The following ASH1L variants were observed in gnomAD, a reference collection of about 807,000 sequenced individuals.
The protein encoded by ASH1L is ASH1 like histone lysine methyltransferase, also known as histone-lysine N-methyltransferase ASH1L.
A neutral mutation model predicts 269.0 loss-of-function variants in ASH1L; 23 were observed. The ratio of observed to expected loss-of-function variants is 0.09; its 90% CI spans 0.06 to 0.12. The LOEUF is 0.12. Among genes scored for constraint, ASH1L ranks in the 10% least tolerant of loss-of-function variants. The pLI is 1.00. For synonymous variants in ASH1L, 1,187 were observed against 1,253.5 expected, an observed-to-expected ratio of 0.95 and a Z score of 1.12; for missense variants, 2,912 against 3,567.8, an observed-to-expected ratio of 0.82 and a Z score of 4.68.
chr1:155,436,303 T>G (rs1347203404), intron 5 of ASH1L, among the ~76,000 whole-genome samples: 1 of 151,682 alleles, frequency 6.6e-6, no homozygotes. Context: ...GGGATTCTCC[T>G]GCCTCAGCCT....
At chr1:155,419,068 T>A (rs890968862) in intron 5 of ASH1L, among the ~76,000 whole-genome samples, 2 of 149,862 alleles carry the variant, frequency 1.3e-5, no homozygotes, top group African/African-American at 4.9e-5. Flanking sequence ...ATAAATTAAT[T>A]AATTAAACAA....
chr1:155,556,644 C>T (rs895874172), intron 1 of ASH1L, among the ~76,000 whole-genome samples: 4 of 152,036 alleles, frequency 2.6e-5, no homozygotes, highest in East Asian at 1.9e-4. Flanking sequence ...GGTTTCACCA[C>T]GTTAGCCAGG....
chr1:155,342,199 C>A, intron 24 of ASH1L, 97 bp from the exon 25 acceptor site: 1 of 1,116,790 alleles, frequency 9.0e-7, no homozygotes, highest in Non-Finnish European at 1.3e-6. Context: ...GCAGCTAGAC[C>A]CTTAAAACCC....
intron 2 of ASH1L, among the ~76,000 whole-genome samples, chr1:155,483,110 T>C (rs1255295829): frequency 6.6e-6 from 1 of 152,180 alleles, no homozygotes; most frequent in African/African-American, 2.4e-5. Context: ...TCATGAATCC[T>C]CACTATATAC....
intron 1 of ASH1L, among the ~76,000 whole-genome samples, chr1:155,557,956 A>G (rs898731530): frequency 6.6e-6 from 1 of 152,204 alleles, no homozygotes; most frequent in Non-Finnish European, 1.5e-5. Flanking sequence ...GACTCAGATC[A>G]ATACACATTA....
At chr1:155,445,104 T>C (rs1662909226) in intron 4 of ASH1L, among the ~76,000 whole-genome samples, 1 of 152,222 alleles carries the variant, frequency 6.6e-6, no homozygotes, top group Non-Finnish European at 1.5e-5. Context: ...GTGATCTTTT[T>C]ATTCCATAAG....
intron 17 of ASH1L, 24 bp downstream of exon 17, chr1:155,352,682 G>A (rs370516343): frequency 1.2e-5 from 19 of 1,549,164 alleles, no homozygotes; most frequent in Admixed American, 2.2e-5. Context: ...AAAAAAGAAC[G>A]AATTTGAAGG....
At chr1:155,542,474 G>A (rs1054969496) in intron 1 of ASH1L, among the ~76,000 whole-genome samples, 4 of 151,712 alleles carry the variant, frequency 2.6e-5, no homozygotes, top group Non-Finnish European at 5.9e-5. Flanking sequence ...GCGTGAACCT[G>A]AGAGGTGGAG....
chr1:155,443,498 T>C (rs1662759301), intron 4 of ASH1L, among the ~76,000 whole-genome samples: 1 of 152,162 alleles, frequency 6.6e-6, no homozygotes, highest in African/African-American at 2.4e-5. Context: ...CATTTTTGAG[T>C]TTTGAAAAAT....
intron 5 of ASH1L, among the ~76,000 whole-genome samples, chr1:155,421,317 G>GTTTTTTTT (rs11442413): frequency 1.2e-5 from 1 of 85,866 alleles, no homozygotes; most frequent in Non-Finnish European, 2.1e-5. Context: ...AGTACCAACA[G>GTTTTTTTT]TTTTTTTTTT....
chr1:155,389,638 A>C (rs2148469647), intron 7 of ASH1L, among the ~76,000 whole-genome samples: 1 of 152,242 alleles, frequency 6.6e-6, no homozygotes, highest in African/African-American at 2.4e-5. Context: ...ACGCCACTGC[A>C]CTCCAGCCTG....
chr1:155,398,025 C>A (rs150566410), intron 6 of ASH1L, among the ~76,000 whole-genome samples: 1 of 152,152 alleles, frequency 6.6e-6, no homozygotes, highest in East Asian at 1.9e-4. Flanking sequence ...GGATCAAAAT[C>A]ATACTGACAG....
At chr1:155,435,578 T>C (rs902785032) in intron 5 of ASH1L, among the ~76,000 whole-genome samples, 12 of 150,370 alleles carry the variant, frequency 8.0e-5, no homozygotes, top group Admixed American at 2.0e-4. Flanking sequence ...CTCCTGAAAT[T>C]AAAAAATATA....
chr1:155,511,756 G>A (rs1668175677), intron 2 of ASH1L, among the ~76,000 whole-genome samples: 1 of 151,998 alleles, frequency 6.6e-6, no homozygotes, highest in African/African-American at 2.4e-5. Flanking sequence ...CACCCACCTT[G>A]GCCTCCTAAA....
chr1:155,554,130 G>A (rs1176364249), intron 1 of ASH1L, among the ~76,000 whole-genome samples: 1 of 151,414 alleles, frequency 6.6e-6, no homozygotes, highest in Admixed American at 6.6e-5. Flanking sequence ...TGTCACACAG[G>A]CTGGAGTAGA....
rs996214410 is a variant in ASH1L at position 155,438,924 on chromosome 1, G to A, written c.5231C>T (p.Pro1744Leu). The A allele has an allele frequency of 1.4e-5, 22 of 1,614,054 alleles. No individual in the cohort carries two copies. The highest frequency in any genetic ancestry group is 1.9e-5 in the Non-Finnish European group (22 of 1,180,044). The change falls in exon 5 of 28, where the codon CCA becomes CTA. Residue 1744 changes from proline (P) to leucine (L), a missense_variant. Around this residue, in one of 13 missense-constraint regions of ASH1L, gnomAD observed 789 missense variants for 897.6 expected, o/e 0.88. Coordinates refer to ENST00000392403, the MANE Select transcript of ASH1L (RefSeq NM_018489.3). ...IDAVIATASA[P>L]PSSSPGRSHS... ...GCTACGGCCTGGACTGGAAGAAGGT[G>A]GTGCAGAGGCAGTTGCAATCACAGC... is the stretch of plus-strand genomic sequence containing the variant.
chr1:155,379,723 C>T (rs1022481852), intron 8 of ASH1L, among the ~76,000 whole-genome samples: 1 of 152,168 alleles, frequency 6.6e-6, no homozygotes, highest in Non-Finnish European at 1.5e-5. Context: ...GCTGGCAGTA[C>T]ATCTAAATTC....
chr1:155,450,547 C>A (rs1663386861), intron 4 of ASH1L, among the ~76,000 whole-genome samples: 1 of 152,052 alleles, frequency 6.6e-6, no homozygotes, highest in Non-Finnish European at 1.5e-5. Flanking sequence ...TTGTTGTCTT[C>A]CTTTAAAAAA....
chr1:155,360,174 A>T (rs961242302), intron 13 of ASH1L, 127 bp downstream of exon 13: 2 of 654,574 alleles, frequency 3.1e-6, no homozygotes, highest in African/African-American at 3.6e-5. Flanking sequence ...AAAGGTGTGA[A>T]CCACTGTGTC....
Sources: gnomAD v4.1 joint callset for allele counts (sites outside exome capture counted in the v4.1 genomes callset) on GRCh38, gnomAD v4.1.1 for gene constraint, gnomAD v4.1.1 regional missense constraint, MANE v1.5 for transcripts, NCBI Gene and HGNC (gene_info 2026-07-23, HGNC 2026-07-21) for gene names.